The following ZNF804B variants were observed in gnomAD, a reference collection of about 807,000 sequenced individuals.
ZNF804B encodes the protein zinc finger 804B.
Under a neutral mutation model 101.4 loss-of-function variants are expected in ZNF804B, and 80 were observed. The ratio of observed to expected loss-of-function variants is 0.79; its 90% CI spans 0.66 to 0.95. The LOEUF (loss-of-function observed/expected upper bound fraction) is 0.95. ZNF804B is among the 40% of genes least tolerant of loss of function. ZNF804B has a pLI of 0.00. For missense variants in ZNF804B, 1,673 were observed against 1,561.9 expected, an observed-to-expected ratio of 1.07 and a Z score of -1.20; for synonymous variants, 622 against 558.8, an observed-to-expected ratio of 1.11 and a Z score of -1.59.
At chr7:88,928,825 C>G (rs1220146453) in intron 1 of ZNF804B, among the ~76,000 whole-genome samples, 1 of 152,048 alleles carries the variant, frequency 6.6e-6, no homozygotes, top group East Asian at 1.9e-4. Flanking sequence ...TTGGTTACAG[C>G]TCTGAGGTTA....
At chr7:88,855,738 G>A (rs1243226681) in intron 1 of ZNF804B, among the ~76,000 whole-genome samples, 2 of 152,104 alleles carry the variant, frequency 1.3e-5, no homozygotes, top group South Asian at 4.1e-4. Flanking sequence ...ATGGTTTTAG[G>A]TCTAACATTT....
intron 1 of ZNF804B, among the ~76,000 whole-genome samples, chr7:88,814,447 A>AAC (rs66471769): frequency 0.19 from 26,718 of 140,810 alleles, 2,923 homozygotes; most frequent in Non-Finnish European, 0.27. Context: ...CCTCCCTTCA[A>AAC]ACACACACAC....
intron 2 of ZNF804B, among the ~76,000 whole-genome samples, chr7:89,284,540 G>C (rs2115879453): frequency 6.6e-6 from 1 of 152,260 alleles, no homozygotes; most frequent in African/African-American, 2.4e-5. Context: ...TGTAAAAAAA[G>C]AAAGAAAGAA....
At chr7:89,090,964 A>T (rs1316713678) in intron 1 of ZNF804B, among the ~76,000 whole-genome samples, 1 of 152,180 alleles carries the variant, frequency 6.6e-6, no homozygotes, top group Non-Finnish European at 1.5e-5. Flanking sequence ...GATCAGAATC[A>T]GGCAATAAGT....
intron 1 of ZNF804B, among the ~76,000 whole-genome samples, chr7:88,822,751 TA>T (rs1341377271): frequency 6.6e-6 from 1 of 152,098 alleles, no homozygotes; most frequent in Non-Finnish European, 1.5e-5. Flanking sequence ...ACAAATAAAA[TA>T]AGCAAACACA....
intron 1 of ZNF804B, among the ~76,000 whole-genome samples, chr7:88,796,020 A>T (rs1472237469): frequency 6.6e-6 from 1 of 152,124 alleles, no homozygotes; most frequent in Non-Finnish European, 1.5e-5. Flanking sequence ...TTAGACACTA[A>T]CTAAAGACTT....
intron 1 of ZNF804B, among the ~76,000 whole-genome samples, chr7:88,985,953 T>G (rs1457719438): frequency 6.6e-6 from 1 of 152,158 alleles, no homozygotes; most frequent in Non-Finnish European, 1.5e-5. Flanking sequence ...ACTCTCATAG[T>G]CTTTCAAAAT....
At chr7:88,973,776 T>C (rs1462422142) in intron 1 of ZNF804B, among the ~76,000 whole-genome samples, 1 of 151,402 alleles carries the variant, frequency 6.6e-6, no homozygotes, top group Non-Finnish European at 1.5e-5. Flanking sequence ...TGTCTAGCAT[T>C]TTGCTTATTA....
chr7:89,331,317 A>G (rs1166696822), intron 3 of ZNF804B, among the ~76,000 whole-genome samples: 2 of 151,788 alleles, frequency 1.3e-5, no homozygotes, highest in African/African-American at 4.8e-5. Context: ...TCAAAGGCCA[A>G]TAATGTTGTA....
chr7:89,023,668 C>A (rs545587333), intron 1 of ZNF804B, among the ~76,000 whole-genome samples: 1 of 152,270 alleles, frequency 6.6e-6, no homozygotes, highest in Non-Finnish European at 1.5e-5. Context: ...TTCCTAACCA[C>A]AAGGTTCAGC....
At chr7:88,775,272 T>G (rs1790124857) in intron 1 of ZNF804B, among the ~76,000 whole-genome samples, 1 of 152,138 alleles carries the variant, frequency 6.6e-6, no homozygotes, top group Non-Finnish European at 1.5e-5. Context: ...GAGGAGCTAT[T>G]TTGGCATAGA....
chr7:89,061,022 A>G (rs567723811), intron 1 of ZNF804B, among the ~76,000 whole-genome samples: 10 of 152,234 alleles, frequency 6.6e-5, no homozygotes, highest in African/African-American at 2.4e-4. Flanking sequence ...CTGGGTGCAC[A>G]CAATTACCAA....
intron 1 of ZNF804B, among the ~76,000 whole-genome samples, chr7:88,815,121 A>G (rs1009369615): frequency 1.3e-5 from 2 of 148,480 alleles, no homozygotes; most frequent in East Asian, 3.9e-4. Context: ...ACATATATGT[A>G]TGTATGGCAT....
intron 2 of ZNF804B, among the ~76,000 whole-genome samples, chr7:89,309,985 A>G (rs1339483576): frequency 6.6e-6 from 1 of 151,468 alleles, no homozygotes. Flanking sequence ...GATGTCTCAC[A>G]TTTCTTACTT....
chr7:89,118,358 T>A (rs1355400128), intron 1 of ZNF804B, among the ~76,000 whole-genome samples: 1 of 152,068 alleles, frequency 6.6e-6, no homozygotes. Flanking sequence ...CTTTATCAAT[T>A]AGTGAGATAA....
intron 1 of ZNF804B, among the ~76,000 whole-genome samples, chr7:89,130,340 G>A (rs574209813): frequency 4.0e-4 from 61 of 152,030 alleles, no homozygotes; most frequent in African/African-American, 1.4e-3. Flanking sequence ...AAGCCAGCTT[G>A]GAAGAAAGCA....
At chr7:88,936,645 G>A (rs778594239) in intron 1 of ZNF804B, among the ~76,000 whole-genome samples, 1 of 152,074 alleles carries the variant, frequency 6.6e-6, no homozygotes, top group Non-Finnish European at 1.5e-5. Flanking sequence ...GTGTGTCTAG[G>A]TGTTGGTTAC....
At chr7:88,868,220 C>T (rs2115872771) in intron 1 of ZNF804B, among the ~76,000 whole-genome samples, 1 of 152,174 alleles carries the variant, frequency 6.6e-6, no homozygotes. Flanking sequence ...CCTGACTGTA[C>T]CTACTTTCCC....
At chr7:88,920,346 G>A (rs1231339348) in intron 1 of ZNF804B, among the ~76,000 whole-genome samples, 3 of 151,882 alleles carry the variant, frequency 2.0e-5, no homozygotes, top group Non-Finnish European at 2.9e-5. Flanking sequence ...ACATTTACTT[G>A]GTGATTTTAT....
Sources: allele counts gnomAD v4.1 joint callset (sites outside exome capture counted in the v4.1 genomes callset), GRCh38; gene constraint gnomAD v4.1.1; transcripts MANE v1.5; gene names NCBI Gene and HGNC (gene_info 2026-07-23, HGNC 2026-07-21).